Variants in PALLD observed in about 807,000 individuals in gnomAD.
The protein encoded by PALLD is palladin, cytoskeletal associated protein.
In PALLD, 61 loss-of-function variants were observed where a neutral mutation model predicts 123.5. That is an observed-to-expected ratio of 0.49 (90% CI 0.40 to 0.61). The LOEUF (loss-of-function observed/expected upper bound fraction) is 0.61, where lower values mean the gene tolerates loss of function less well. Among genes scored for constraint, PALLD ranks in the 20% least tolerant of loss-of-function variants. The pLI, the probability that PALLD is intolerant of heterozygous loss-of-function variation, is 0.00. For synonymous variants in PALLD, 465 were observed against 496.4 expected, an observed-to-expected ratio of 0.94 and a Z score of 0.84; for missense variants, 1,273 against 1,377.0, an observed-to-expected ratio of 0.92 and a Z score of 1.20.
intron 8 of PALLD, among the ~76,000 whole-genome samples, chr4:168,701,522 G>A (rs542044541): frequency 7.2e-5 from 11 of 152,290 alleles, no homozygotes; most frequent in East Asian, 5.8e-4. Flanking sequence ...CCACAAAGTC[G>A]TAGAAGCATC....
At chr4:168,645,648 A>T (rs750328014) in intron 2 of PALLD, among the ~76,000 whole-genome samples, 2 of 152,204 alleles carry the variant, frequency 1.3e-5, no homozygotes, top group African/African-American at 4.8e-5. Flanking sequence ...TATATACTAC[A>T]TTCACTTAGA....
intron 1 of PALLD, among the ~76,000 whole-genome samples, chr4:168,498,684 A>T (rs905816113): frequency 1.3e-5 from 2 of 152,216 alleles, no homozygotes; most frequent in Non-Finnish European, 2.9e-5. Flanking sequence ...ACAAAGATTG[A>T]ACAAAGTATC....
Position 168,894,657 on chromosome 4 carries a change from G to A in PALLD, c.2179G>A (p.Glu727Lys). 6.2e-7 allele frequency: 1 copy of A among 1,613,614 alleles called. No individual in the cohort carries two copies. Among genetic ancestry groups the A allele is most frequent in the Non-Finnish European group, 8.5e-7 (1 of 1,179,636 alleles). The change falls in exon 12 of 22, where the codon GAA becomes AAA. Residue 727 changes from glutamate (E) to lysine (K), a missense_variant. This residue lies in a region of PALLD where 944 missense variants were observed against 954.5 expected (regional missense o/e 0.99). Transcript: ENST00000505667. ...AACTGTCTTTAATATTCAGGAGCCAGAAGAGGAAACAGCTAATCAGGTACC... is the reference window on the plus strand; with the variant it reads ...AACTGTCTTTAATATTCAGGAGCCAAAAGAGGAAACAGCTAATCAGGTACC... Reference protein sequence around the residue: ...SATVFNIQEPEEETANQDIGS... With the variant: ...SATVFNIQEPKEETANQDIGS...
At chr4:168,648,547 G>C (rs1777715938) in intron 2 of PALLD, 2 of 152,162 alleles carry the variant, frequency 1.3e-5, no homozygotes, top group Non-Finnish European at 2.9e-5. Context: ...GAGGGTTTGG[G>C]GAGCCTCTTT....
rs147173402 is a variant in PALLD at position 168,639,766 on chromosome 4, G to C, written c.909-28424G>C. On this transcript the variant is annotated intron_variant, in intron 2 of 21. Transcript: ENST00000505667. ...TCACCGTGTTAGCCAGGATGGTCTC[G>C]ATCTTCTGACCTCGTGATCCGCCCG... 4.9e-3 allele frequency among the ~76,000 whole-genome samples: 747 copies of C among 152,076 alleles called. 24 individuals carry two copies. The East Asian group carries it at 0.1, about 21-fold the overall frequency.
At chr4:168,710,385 A>T (rs1359509877) in intron 9 of PALLD, among the ~76,000 whole-genome samples, 4 of 151,858 alleles carry the variant, frequency 2.6e-5, no homozygotes, top group Non-Finnish European at 5.9e-5. Flanking sequence ...AGATATTTTT[A>T]AAATATGTTT....
Position 168,709,049 on chromosome 4 carries a change from T to C in PALLD, c.1523T>C (p.Ile508Thr). 1 of 1,613,424 alleles carries C rather than the reference T, an allele frequency of 6.2e-7. No homozygotes were observed. Among genetic ancestry groups the C allele is most frequent in the Non-Finnish European group, 8.5e-7 (1 of 1,179,350 alleles). The change falls in exon 9 of 22, where the codon ATC becomes ACC. Residue 508 changes from isoleucine (I) to threonine (T), a missense_variant. Transcript: ENST00000505667. ...CCAGAGGAGATTTGCACCCTAGTTA[T>C]CGCTGAGACTTTCCCTGAAGATGCA... is the stretch of plus-strand genomic sequence containing the variant. Reference protein sequence around the residue: ...AEPEEICTLVIAETFPEDAGI... With the variant: ...AEPEEICTLVTAETFPEDAGI...
chr4:168,903,756 G>C lies in PALLD; in HGVS notation c.2473-1G>C, dbSNP rs750290697. ...TCTTTAATCTTTGTTTCTATTCACA[G>C]ATCTATTGGTTTAAAGATGGGAAGC... On this transcript the variant is annotated splice_acceptor_variant, in intron 14 of 21. Transcript: ENST00000505667. LOFTEE classifies it high-confidence loss of function. 6.2e-7 allele frequency: 1 copy of C among 1,609,224 alleles called. No homozygotes were observed. Among genetic ancestry groups the C allele is most frequent in the Non-Finnish European group, 8.5e-7 (1 of 1,175,712 alleles).
intron 10 of PALLD, among the ~76,000 whole-genome samples, chr4:168,721,532 G>C (rs1251107108): frequency 6.6e-6 from 1 of 152,122 alleles, no homozygotes; most frequent in Non-Finnish European, 1.5e-5. Context: ...GTAACCAGTG[G>C]TTCTTTGAGT....
intron 10 of PALLD, among the ~76,000 whole-genome samples, chr4:168,718,908 ATTT>A (rs55772255): frequency 1.4e-5 from 2 of 140,242 alleles, no homozygotes; most frequent in Non-Finnish European, 1.5e-5. Flanking sequence ...TGCCAATCTA[ATTT>A]TTTTTTTTTT....
intron 20 of PALLD, 71 bp downstream of exon 20, chr4:168,925,149 A>G (rs1342675057): frequency 3.1e-6 from 5 of 1,589,126 alleles, no homozygotes; most frequent in Non-Finnish European, 4.3e-6. Flanking sequence ...TCTGGACAGC[A>G]AATCACATTA....
chr4:168,788,293 T>G (rs1737035168), intron 10 of PALLD, among the ~76,000 whole-genome samples: 1 of 152,224 alleles, frequency 6.6e-6, no homozygotes, highest in African/African-American at 2.4e-5. Context: ...CTGGTTATTA[T>G]TCTACTTTCT....
At chr4:168,717,200 A>T (rs1455327681) in intron 10 of PALLD, among the ~76,000 whole-genome samples, 1 of 152,012 alleles carries the variant, frequency 6.6e-6, no homozygotes, top group Non-Finnish European at 1.5e-5. Flanking sequence ...TTTCACTAGG[A>T]CCCTAGAACA....
chr4:168,873,661 G>GT (rs1751369148), intron 10 of PALLD, among the ~76,000 whole-genome samples: 1 of 152,158 alleles, frequency 6.6e-6, no homozygotes, highest in African/African-American at 2.4e-5. Context: ...TTTAACAAAC[G>GT]TTTTTTGTTT....
At chr4:168,668,687 A>AT (rs1396860767) in intron 3 of PALLD, among the ~76,000 whole-genome samples, 1 of 152,248 alleles carries the variant, frequency 6.6e-6, no homozygotes, top group Non-Finnish European at 1.5e-5. Context: ...TTGAAATACC[A>AT]TATCAAGCAA....
rs1402735922 is a variant in PALLD, at chr4:168,811,770, T to TCACACA, written c.1965-79151_1965-79150insACACAC. Among the ~76,000 whole-genome samples the TCACACA allele has an allele frequency of 2.2e-3, 223 of 101,906 alleles. 1 individual carries two copies. Among genetic ancestry groups the TCACACA allele is most frequent in the African/African-American group, 6.8e-3 (207 of 30,282 alleles). 66.9% of individuals were successfully genotyped at this position (101,906 alleles called of 152,430 possible). A position where few individuals can be genotyped will look rare whatever the true frequency, so the allele number is the denominator to read the frequency against. On this transcript the variant is annotated intron_variant, in intron 10 of 21. Transcript: ENST00000505667. ...TTCTCTCTCTCTTTCTCTCTCTCTCTCTCTCTCACACACACACACACACAC... is the reference window on the plus strand; with the variant it reads ...TTCTCTCTCTCTTTCTCTCTCTCTCTCACACACTCTCTCACACACACACACACACAC...
chr4:168,742,188 T>G (rs943770778), intron 10 of PALLD, among the ~76,000 whole-genome samples: 7 of 152,248 alleles, frequency 4.6e-5, no homozygotes, highest in Non-Finnish European at 8.8e-5. Flanking sequence ...AGGTCGTGGC[T>G]TCTCTGCATC....
intron 1 of PALLD, among the ~76,000 whole-genome samples, chr4:168,503,802 C>CA (rs1761697461): frequency 6.6e-6 from 1 of 152,110 alleles, no homozygotes; most frequent in Non-Finnish European, 1.5e-5. Context: ...TTGGTGATGA[C>CA]AGAGGGTGAG....
In PALLD at chr4:168,793,374, TC is replaced by T. The variant is rs777217482; in HGVS notation, c.1964+81452del. On this transcript the variant is annotated intron_variant, in intron 10 of 21. Transcript: ENST00000505667. Reference sequence around the variant, plus strand: ...ATATACATATATGTGTGCATATATATCACATATATATACACACACATACATA... The same window carrying T: ...ATATACATATATGTGTGCATATATATACATATATATACACACACATACATA... Among the ~76,000 whole-genome samples, 4 of 129,946 alleles carry T rather than the reference TC, an allele frequency of 3.1e-5. 2 individuals carry two copies. The highest frequency in any genetic ancestry group is 1.5e-4 in the Admixed American group (2 of 13,030). 85.2% of individuals were successfully genotyped at this position (129,946 alleles called of 152,430 possible).
Sources: allele counts gnomAD v4.1 joint callset (sites outside exome capture counted in the v4.1 genomes callset), GRCh38; gene constraint gnomAD v4.1.1; regional missense constraint gnomAD v4.1.1; transcripts MANE v1.5; gene names NCBI Gene and HGNC (gene_info 2026-07-23, HGNC 2026-07-21).